The following LRP2 variants were observed in gnomAD, a reference collection of about 807,000 sequenced individuals.
LRP2 encodes the protein low-density lipoprotein receptor-related protein 2.
Under a neutral mutation model 531.0 loss-of-function variants are expected in LRP2, and 172 were observed. The ratio of observed to expected loss-of-function variants is 0.32; its 90% confidence interval spans 0.29 to 0.37. LRP2 has a LOEUF of 0.37. Among genes scored for constraint, LRP2 ranks in the 10% least tolerant of loss-of-function variants. The pLI, the probability that LRP2 is intolerant of heterozygous loss-of-function variation, is 1.00. For missense variants in LRP2, 5,167 were observed against 5,868.3 expected (o/e 0.88, Z 3.90); for synonymous variants, 1,992 against 2,027.6 (o/e 0.98, Z 0.47).
chr2:169,289,255 G>A, intron 8 of LRP2, 110 bp from the exon 9 acceptor site: 1 of 1,397,952 alleles, frequency 7.2e-7, no homozygotes. Flanking sequence ...TGAAGTAGAT[G>A]TACAGAAAAA....
Position 169,204,197 on chromosome 2 carries a change from C to T in LRP2, c.7790G>A (p.Gly2597Asp). The change falls in exon 42 of 79, where the codon GGC becomes GAC. Residue 2597 changes from glycine to aspartate, a missense_variant. Physicochemically the swap from Gly to Asp is moderately conservative, Grantham distance 94. Transcript: ENST00000649046. ...AATATACTGGCCATAGAGAGTCAAG[C>T]CAAAAGCATGAACGGCTGCATTGAC... ...VIVNAAVHAF[G>D]LTLYGQYIYW... 6.2e-7 allele frequency: 1 copy of T among 1,614,074 alleles called. No individual in the cohort carries two copies. Among genetic ancestry groups the T allele is most frequent in the East Asian group, 2.2e-5 (1 of 44,880 alleles).
chr2:169,208,272 G>A (rs550541456), intron 38 of LRP2, among the ~76,000 whole-genome samples: 3 of 152,088 alleles, frequency 2.0e-5, no homozygotes, highest in Non-Finnish European at 4.4e-5. Flanking sequence ...TGCATTTGAC[G>A]CACGGGCCAT....
chr2:169,151,957 T>G (rs530408734), intron 67 of LRP2, among the ~76,000 whole-genome samples: 2 of 152,330 alleles, frequency 1.3e-5, no homozygotes, highest in East Asian at 3.9e-4. Flanking sequence ...AAAAAGAATT[T>G]ACACTGAAAA....
chr2:169,292,197 C>T (rs970268449), intron 7 of LRP2, 56 bp downstream of exon 7: 13 of 1,280,762 alleles, frequency 1.0e-5, no homozygotes, highest in South Asian at 2.4e-5. Flanking sequence ...AAAAAACAAG[C>T]GCTGGAAAAC....
chr2:169,193,895 G>A lies in LRP2; in HGVS notation c.8699-3C>T, dbSNP rs868440703. ...TAGGCATGTTCGCTCAGAGTGACCT[G>A]AAAAGATCAATAGCATTCTCAGTGA... On this transcript the variant is annotated splice_region_variant and splice_polypyrimidine_tract_variant and intron_variant, in intron 46 of 78. Coordinates refer to ENST00000649046, the MANE Select transcript of LRP2 (RefSeq NM_004525.3). 1 of 1,614,110 alleles carries A rather than the reference G, an allele frequency of 6.2e-7. No individual in the cohort carries two copies. The highest frequency in any genetic ancestry group is 8.5e-7 in the Non-Finnish European group (1 of 1,180,012).
chr2:169,255,975 C>A, intron 19 of LRP2, 131 bp downstream of exon 19: 1 of 869,374 alleles, frequency 1.2e-6, no homozygotes, highest in South Asian at 1.5e-5. Context: ...ATATATAGCA[C>A]CATTTTAAAT....
At chr2:169,324,743 G>A (rs570503064) in intron 1 of LRP2, among the ~76,000 whole-genome samples, 11 of 152,114 alleles carry the variant, frequency 7.2e-5, no homozygotes, top group African/African-American at 2.2e-4. Flanking sequence ...AACAGATAGC[G>A]CCCAGAGAAG....
chr2:169,200,341 A>G (rs1688162914), intron 44 of LRP2, among the ~76,000 whole-genome samples: 1 of 152,226 alleles, frequency 6.6e-6, no homozygotes, highest in African/African-American at 2.4e-5. Context: ...CTAAGTAGGA[A>G]TGAGCAACTC....
In LRP2 at chr2:169,237,088, A is replaced by T. The variant is rs202134501; in HGVS notation, c.4691+15T>A. 286 of 1,596,496 alleles carry T rather than the reference A, an allele frequency of 1.8e-4. No homozygotes were observed. The highest frequency in any genetic ancestry group is 1.6e-3 in the South Asian group (145 of 90,690). On this transcript the variant is annotated intron_variant, in intron 28 of 78. Transcript: ENST00000649046. ...AACCATGTCAAGGCAACATAATTTT[A>T]AAAAAAAGTCTTACTTCATTCTGGG... is the stretch of plus-strand genomic sequence containing the variant.
intron 63 of LRP2, among the ~76,000 whole-genome samples, chr2:169,161,599 G>A (rs1226848900): frequency 1.3e-5 from 2 of 152,018 alleles, no homozygotes; most frequent in South Asian, 2.1e-4. Context: ...TCATCCTCTT[G>A]AGTATCTGGG....
Position 169,168,541 on chromosome 2 carries a change from C to G in LRP2, c.11633G>C (p.Cys3878Ser). Residue 3878 changes from cysteine to serine, a missense_variant and splice_region_variant, in exon 61 of 79, where the codon TGC becomes TCC. Cys to Ser is a moderately radical substitution (Grantham distance 112). This residue lies in a region of LRP2 where 564 missense variants were observed against 747.7 expected (regional missense o/e 0.75). Coordinates refer to ENST00000649046, the MANE Select transcript of LRP2 (RefSeq NM_004525.3). The stretch of plus-strand genomic sequence containing the variant: ...CACTCCGTTTCTCTCCCTCTTACAG[C>G]ACAGGTGAAGTTCTTCATCTGAACC... Reference protein sequence around the residue: ...GDGSDEELHLCLDVPCNSPNR... With the variant: ...GDGSDEELHLSLDVPCNSPNR... 6.2e-7 allele frequency: 1 copy of G among 1,614,096 alleles called. No individual in the cohort carries two copies. The highest frequency in any genetic ancestry group is 1.7e-5 in the Admixed American group (1 of 60,016).
chr2:169,200,234 G>C (rs1688158223), intron 44 of LRP2, among the ~76,000 whole-genome samples: 1 of 152,150 alleles, frequency 6.6e-6, no homozygotes, highest in Non-Finnish European at 1.5e-5. Context: ...CTGGGCGATA[G>C]AGCAAGACTC....
chr2:169,245,435 A>C (rs1413712043), intron 21 of LRP2, among the ~76,000 whole-genome samples: 1 of 152,248 alleles, frequency 6.6e-6, no homozygotes, highest in Non-Finnish European at 1.5e-5. Context: ...TAGAAACAAG[A>C]AGATAATACA....
At chr2:169,217,109 T>C (rs1159023134) in intron 34 of LRP2, among the ~76,000 whole-genome samples, 1 of 152,150 alleles carries the variant, frequency 6.6e-6, no homozygotes, top group African/African-American at 2.4e-5. Flanking sequence ...TATGAAAATG[T>C]ATTAAAATAT....
At chr2:169,131,669 A>G (rs576462747) in intron 77 of LRP2, among the ~76,000 whole-genome samples, 1 of 152,278 alleles carries the variant, frequency 6.6e-6, no homozygotes, top group Admixed American at 6.5e-5. Flanking sequence ...TAGGGGAGAC[A>G]CTACTGGAAT....
At chr2:169,160,473 GGAA>G (rs1054322454) in intron 63 of LRP2, among the ~76,000 whole-genome samples, 10 of 151,452 alleles carry the variant, frequency 6.6e-5, no homozygotes, top group African/African-American at 1.7e-4. Context: ...AGGAGGAGAA[GGAA>G]GAAGAAGAAG....
chr2:169,263,810 G>A (rs555017415), intron 16 of LRP2, among the ~76,000 whole-genome samples: 28 of 151,882 alleles, frequency 1.8e-4, no homozygotes, highest in Middle Eastern at 3.4e-3. Flanking sequence ...TGTTTATTGC[G>A]GCACTATTCA....
chr2:169,215,198 AC>A (rs2105345847), intron 35 of LRP2, among the ~76,000 whole-genome samples: 1 of 152,336 alleles, frequency 6.6e-6, no homozygotes, highest in African/African-American at 2.4e-5. Flanking sequence ...TGAAGTTAGT[AC>A]TTGTTGAACA....
intron 71 of LRP2, 40 bp downstream of exon 71, chr2:169,142,634 T>G: frequency 1.2e-6 from 2 of 1,611,208 alleles, no homozygotes; most frequent in Non-Finnish European, 1.7e-6. Context: ...AGCAGAGGAG[T>G]GCTCCCAGGC....
Sources: allele counts gnomAD v4.1 joint callset (sites outside exome capture counted in the v4.1 genomes callset), GRCh38; gene constraint gnomAD v4.1.1; regional missense constraint gnomAD v4.1.1; transcripts MANE v1.5; gene names NCBI Gene and HGNC (gene_info 2026-07-23, HGNC 2026-07-21).